HAS3: variants seen among roughly 807,000 people sequenced by gnomAD.
HAS3 encodes the protein HA synthase 3.
In HAS3, 27 loss-of-function variants were observed where a neutral mutation model predicts 50.3. The observed-to-expected ratio is 0.54, with a 90% CI of 0.40 to 0.74. The LOEUF (loss-of-function observed/expected upper bound fraction) is 0.74, where lower values mean the gene tolerates loss of function less well. HAS3 is among the 30% of genes least tolerant of loss of function. HAS3 has a pLI of 0.00. For missense variants in HAS3, 517 were observed against 742.8 expected (o/e 0.70, Z 3.53); for synonymous variants, 339 against 310.9 (o/e 1.09, Z -0.95).
chr16:69,100,612 A>G, the HAS3 span, among the ~76,000 whole-genome samples: 1 of 152,176 alleles, frequency 6.6e-6, no homozygotes, highest in Non-Finnish European at 1.5e-5. Flanking sequence ...CCCCTGCTCA[A>G]GCCACTCACT....
the HAS3 span, among the ~76,000 whole-genome samples, chr16:69,092,071 C>A: frequency 3.3e-5 from 5 of 152,174 alleles, no homozygotes; most frequent in Non-Finnish European, 7.3e-5. Context: ...ATCCCGTTAG[C>A]CCTCACACTG....
In HAS3 at chr16:69,115,689, T is replaced by C; in HGVS notation, c.*423T>C. On this transcript the variant is annotated 3_prime_UTR_variant, in exon 4 of 4. Transcript: ENST00000569188. The stretch of plus-strand genomic sequence containing the variant: ...CACAACCAGAGGTGGCAGGAGAATT[T>C]CTACTGAGCGAGCTGGGCCGGTTAG... 3 of 992,612 alleles carry C rather than the reference T, an allele frequency of 3.0e-6. No individual in the cohort carries two copies. Among genetic ancestry groups the C allele is most frequent in the Non-Finnish European group, 3.6e-6 (3 of 835,076 alleles). The allele number at this position is 992,612 out of a possible 1,614,324, so 61.5% of individuals were successfully genotyped here. A position where few individuals can be genotyped will look rare whatever the true frequency, so the allele number is the denominator to read the frequency against.
the HAS3 span, among the ~76,000 whole-genome samples, chr16:69,087,110 GTCC>G: frequency 6.6e-6 from 1 of 151,852 alleles, no homozygotes; most frequent in Non-Finnish European, 1.5e-5. Context: ...CACCTTCGGC[GTCC>G]TCCACCACCC....
the HAS3 span, among the ~76,000 whole-genome samples, chr16:69,092,600 CAAAAA>C: frequency 2.0e-5 from 2 of 99,386 alleles, no homozygotes; most frequent in African/African-American, 3.9e-5. Flanking sequence ...AACTCCGTCT[CAAAAA>C]AAAAAAAAAA....
At chr16:69,110,307 C>T (rs1007859271) in intron 2 of HAS3, among the ~76,000 whole-genome samples, 2 of 152,120 alleles carry the variant, frequency 1.3e-5, no homozygotes, top group African/African-American at 4.8e-5. Context: ...AAAAATTAGC[C>T]GGGCATGGTG....
the HAS3 span, among the ~76,000 whole-genome samples, chr16:69,095,774 AAAG>A: frequency 6.6e-6 from 1 of 152,084 alleles, no homozygotes; most frequent in Non-Finnish European, 1.5e-5. Context: ...CCCCTCCAAC[AAAG>A]GCACCGATGG....
In HAS3 at chr16:69,107,588, G is replaced by A; in HGVS notation, c.-1+1801G>A. 1 of 985,436 alleles carries A rather than the reference G, an allele frequency of 1.0e-6. No homozygotes were observed. Among genetic ancestry groups the A allele is most frequent in the Non-Finnish European group, 1.2e-6 (1 of 829,938 alleles). The allele number at this position is 985,436 out of a possible 1,614,324, so 61.0% of individuals were successfully genotyped here. On this transcript the variant is annotated intron_variant, in intron 1 of 3. Coordinates refer to ENST00000569188, the MANE Select transcript of HAS3 (RefSeq NM_001199280.2). The surrounding 1 kb of genome is among the most constrained non-coding windows in gnomAD (Gnocchi z 5.5). ...CCTGGTGGGCGCCGCCTCCGGCACTGCACCGAGGCGGGGCGCCAGCGCCCA... is the reference window on the plus strand; with the variant it reads ...CCTGGTGGGCGCCGCCTCCGGCACTACACCGAGGCGGGGCGCCAGCGCCCA...
rs771665265 is a variant in HAS3, at chr16:69,116,453, C to T, written c.*1187C>T. 4.1e-6 allele frequency: 4 copies of T among 985,762 alleles called. No individual in the cohort carries two copies. The highest frequency in any genetic ancestry group is 3.6e-6 in the Non-Finnish European group (3 of 829,926). The allele number at this position is 985,762 out of a possible 1,614,324, so 61.1% of individuals were successfully genotyped here. ...GTGACTTTCAGGCTACTGTTCTTGA[C>T]AATCATCTCCAATGGAAAGCTTTTC... On this transcript the variant is annotated 3_prime_UTR_variant, in exon 4 of 4. Transcript: ENST00000569188.
intron 2 of HAS3, 69 bp from the exon 3 acceptor site, chr16:69,113,372 G>A: frequency 1.0e-6 from 1 of 979,128 alleles, no homozygotes; most frequent in Non-Finnish European, 1.7e-6. Flanking sequence ...GAGCAGCCTG[G>A]CAGTGGGGTG....
chr16:69,110,007 C>T lies in HAS3; in HGVS notation c.612C>T (p.Leu204=), dbSNP rs768007153. The change falls in exon 2 of 4, where the codon CTC becomes CTT. Residue 204 remains leucine, a synonymous_variant. Transcript: ENST00000569188. Reference sequence around the variant, plus strand: ...TCATGTACACGGCCTTCAAGGCCCTCGGCGATTCGGTGGACTACATCCAGG... The same window carrying T: ...TCATGTACACGGCCTTCAAGGCCCTTGGCGATTCGGTGGACTACATCCAGG... The part of the protein sequence containing the change: ...REVMYTAFKA[L]GDSVDYIQVC... 6.2e-6 allele frequency: 10 copies of T among 1,608,214 alleles called. No homozygotes were observed. The highest frequency in any genetic ancestry group is 4.4e-5 in the South Asian group (4 of 90,946).
chr16:69,114,276 G>A lies in HAS3; in HGVS notation c.739-67G>A, dbSNP rs1056256538. On this transcript the variant is annotated intron_variant, in intron 3 of 3. Transcript: ENST00000569188. The surrounding 1 kb of genome is among the most constrained non-coding windows in gnomAD (Gnocchi z 6.4). ...ACAGAAGCCATGGTAAGGAGGCCTC[G>A]TGGTCTCTGATGTCTGTCCTCCGGA... 14 of 1,512,808 alleles carry A rather than the reference G, an allele frequency of 9.3e-6. No individual in the cohort carries two copies. Among genetic ancestry groups the A allele is most frequent in the South Asian group, 5.2e-5 (4 of 76,288 alleles). The allele number at this position is 1,512,808 out of a possible 1,614,324, so 93.7% of individuals were successfully genotyped here.
the HAS3 span, among the ~76,000 whole-genome samples, chr16:69,092,470 G>A: frequency 6.6e-6 from 1 of 151,894 alleles, no homozygotes; most frequent in Non-Finnish European, 1.5e-5. Flanking sequence ...AGGTGTGGTG[G>A]TATGCATCAG....
At chr16:69,110,263 A>G (rs1960955943) in intron 2 of HAS3, among the ~76,000 whole-genome samples, 1 of 152,188 alleles carries the variant, frequency 6.6e-6, no homozygotes, top group African/African-American at 2.4e-5. Flanking sequence ...CATCCTGGCT[A>G]ACACGGTGAA....
the HAS3 span, among the ~76,000 whole-genome samples, chr16:69,094,985 T>TA: frequency 6.7e-6 from 1 of 149,782 alleles, no homozygotes; most frequent in African/African-American, 2.5e-5. Flanking sequence ...GTTAACTTTT[T>TA]TTTTTTTTTT....
chr16:69,117,500 T>C lies in HAS3; in HGVS notation c.*2234T>C. 2 of 974,278 alleles carry C rather than the reference T, an allele frequency of 2.1e-6. No individual in the cohort carries two copies. Among genetic ancestry groups the C allele is most frequent in the Non-Finnish European group, 2.4e-6 (2 of 819,386 alleles). 60.4% of individuals were successfully genotyped at this position (974,278 alleles called of 1,614,324 possible). A position where few individuals can be genotyped will look rare whatever the true frequency, so the allele number is the denominator to read the frequency against. The stretch of plus-strand genomic sequence containing the variant: ...CTTTATACAATTGGACGCATTTTGG[T>C]TTTTCCTCATTGAGAATTCAAATCC... On this transcript the variant is annotated 3_prime_UTR_variant, in exon 4 of 4. Transcript: ENST00000569188.
At chr16:69,093,861 GCA>G in the HAS3 span, among the ~76,000 whole-genome samples, 1 of 152,090 alleles carries the variant, frequency 6.6e-6, no homozygotes, top group East Asian at 1.9e-4. Flanking sequence ...GTTATTCCTT[GCA>G]AGAAGCTCAA....
At position 69,116,087 on chromosome 16, in the gene HAS3, C is replaced by A; in HGVS notation, c.*821C>A. On this transcript the variant is annotated 3_prime_UTR_variant, in exon 4 of 4. Transcript: ENST00000569188. ...GCTGGGGAGATAAAAAGATTAAGCC[C>A]CAACATGTTCAGAAAAGAAGTGAAG... 1 of 985,526 alleles carries A rather than the reference C, an allele frequency of 1.0e-6. No homozygotes were observed. The highest frequency in any genetic ancestry group is 1.2e-6 in the Non-Finnish European group (1 of 829,888). 61.0% of individuals were successfully genotyped at this position (985,526 alleles called of 1,614,324 possible). A position where few individuals can be genotyped will look rare whatever the true frequency, so the allele number is the denominator to read the frequency against.
Position 69,114,596 on chromosome 16 carries a change from C to T in HAS3, c.992C>T (p.Thr331Ile), listed in dbSNP as rs1567581953. The change falls in exon 4 of 4, where the codon ACT (threonine) becomes ATT (isoleucine). Residue 331 changes from threonine (T) to isoleucine (I), a missense_variant. Transcript: ENST00000569188. This position sits in a 1 kb window ranked among gnomAD's most constrained non-coding sequence, Gnocchi z 6.4. ...TNRVLSLGYR[T>I]KYTARSKCLT... ...CGAGTCCTGAGCCTTGGCTACCGAA[C>T]TAAGTATACCGCGCGCTCCAAGTGC... is the stretch of plus-strand genomic sequence containing the variant. 1 of 1,614,114 alleles carries T rather than the reference C, an allele frequency of 6.2e-7. No individual in the cohort carries two copies. Among genetic ancestry groups the T allele is most frequent in the Non-Finnish European group, 8.5e-7 (1 of 1,180,042 alleles).
chr16:69,110,966 C>T (rs1194997024), intron 2 of HAS3, among the ~76,000 whole-genome samples: 3 of 152,066 alleles, frequency 2.0e-5, no homozygotes, highest in Non-Finnish European at 2.9e-5. Context: ...GTAGGAGCAT[C>T]GGCAGGGGCG....
Sources: allele counts gnomAD v4.1 joint callset (sites outside exome capture counted in the v4.1 genomes callset), GRCh38; gene constraint gnomAD v4.1.1; non-coding constraint Gnocchi (gnomAD v3.1); transcripts MANE v1.5; gene names NCBI Gene and HGNC (gene_info 2026-07-23, HGNC 2026-07-21).